MGAT4C: variants seen among roughly 807,000 people sequenced by gnomAD.
MGAT4C encodes the protein MGAT4 family member C.
Under a neutral mutation model 40.1 loss-of-function variants are expected in MGAT4C, and 19 were observed. That is an observed-to-expected ratio of 0.47 (90% CI 0.33 to 0.70). The LOEUF (loss-of-function observed/expected upper bound fraction) is 0.70. MGAT4C is among the 30% of genes least tolerant of loss of function. MGAT4C has a pLI of 0.02. For missense variants in MGAT4C, 491 were observed against 563.2 expected, an observed-to-expected ratio of 0.87 and a Z score of 1.30; for synonymous variants, 181 against 187.1, an observed-to-expected ratio of 0.97 and a Z score of 0.27.
chr12:86,244,567 C>A (rs4842468), intron 1 of MGAT4C, among the ~76,000 whole-genome samples: 1 of 152,116 alleles, frequency 6.6e-6, no homozygotes, highest in Admixed American at 6.5e-5. Flanking sequence ...TTCTACTCTG[C>A]GCTAGCACTG....
chr12:86,009,226 A>G (rs1181674243), intron 2 of MGAT4C, among the ~76,000 whole-genome samples: 1 of 152,148 alleles, frequency 6.6e-6, no homozygotes, highest in Non-Finnish European at 1.5e-5. Context: ...CTCTTTTAGA[A>G]TAATTACTCT....
At chr12:86,674,579 C>A (rs1449570465) in intron 2 of MGAT4C, among the ~76,000 whole-genome samples, 2 of 152,052 alleles carry the variant, frequency 1.3e-5, no homozygotes, top group Non-Finnish European at 2.9e-5. Flanking sequence ...CACGTGTAAT[C>A]CCAGCCACTT....
chr12:86,408,479 C>CTCTCTCTCTCTATATATATA (rs1267344319), intron 3 of MGAT4C, among the ~76,000 whole-genome samples: 8 of 63,344 alleles, frequency 1.3e-4, no homozygotes, highest in African/African-American at 4.7e-4. Flanking sequence ...CTCTCTCTCT[C>CTCTCTCTCTCTATATATATA]TATATATATA....
chr12:86,019,625 G>A (rs1027818607), intron 2 of MGAT4C, among the ~76,000 whole-genome samples: 1 of 152,202 alleles, frequency 6.6e-6, no homozygotes, highest in Non-Finnish European at 1.5e-5. Context: ...CAGGTAGCGT[G>A]ATGCCTCCAG....
At chr12:86,494,669 C>G (rs1004561735) in intron 2 of MGAT4C, among the ~76,000 whole-genome samples, 3 of 148,282 alleles carry the variant, frequency 2.0e-5, no homozygotes, top group Non-Finnish European at 4.5e-5. Context: ...AAATTAAAAA[C>G]AAATGTAGAG....
chr12:86,328,228 T>A (rs1954572202), intron 4 of MGAT4C, among the ~76,000 whole-genome samples: 1 of 152,144 alleles, frequency 6.6e-6, no homozygotes, highest in African/African-American at 2.4e-5. Context: ...CACTGACATA[T>A]TTATGAGAGA....
chr12:86,494,919 G>A lies in MGAT4C; in HGVS notation c.-228-59654C>T, dbSNP rs138911928. On this transcript the variant is annotated intron_variant, in intron 2 of 7. Coordinates refer to the MGAT4C transcript ENST00000548651. ...AGATATGTTTGAATAACCATCAGAT[G>A]ATAATCGACAATGAGAAAGAATGAA... is the stretch of plus-strand genomic sequence containing the variant. Among the ~76,000 whole-genome samples the A allele has an allele frequency of 6.2e-3, 945 of 152,164 alleles. 7 individuals are homozygous for A. Among genetic ancestry groups the A allele is most frequent in the Non-Finnish European group, 8.7e-3 (594 of 67,946 alleles).
At chr12:86,420,738 G>T (rs1026254448) in intron 3 of MGAT4C, among the ~76,000 whole-genome samples, 2 of 150,212 alleles carry the variant, frequency 1.3e-5, no homozygotes, top group African/African-American at 4.9e-5. Context: ...TACTTGAACA[G>T]TTTGGCCATA....
At chr12:86,361,156 G>T (rs1026902943) in intron 3 of MGAT4C, among the ~76,000 whole-genome samples, 2 of 152,136 alleles carry the variant, frequency 1.3e-5, no homozygotes, top group East Asian at 3.9e-4. Context: ...CAATGGAACA[G>T]AACAAAGCCA....
intron 2 of MGAT4C, among the ~76,000 whole-genome samples, chr12:86,619,038 A>G (rs1222117072): frequency 1.3e-5 from 2 of 152,080 alleles, no homozygotes; most frequent in African/African-American, 4.8e-5. Context: ...ACAACTATTT[A>G]CATAGAGTTG....
At chr12:86,712,327 A>G (rs542283176) in intron 2 of MGAT4C, among the ~76,000 whole-genome samples, 1 of 152,280 alleles carries the variant, frequency 6.6e-6, no homozygotes, top group East Asian at 1.9e-4. Context: ...GGAGCAAGAA[A>G]GTGTTTTCTG....
chr12:86,600,016 C>G (rs1479104153), intron 2 of MGAT4C, among the ~76,000 whole-genome samples: 1 of 151,960 alleles, frequency 6.6e-6, no homozygotes, highest in Admixed American at 6.6e-5. Context: ...AACAATTTCA[C>G]AGGTGACAAG....
At chr12:86,419,845 T>C (rs1249495819) in intron 3 of MGAT4C, among the ~76,000 whole-genome samples, 1 of 151,976 alleles carries the variant, frequency 6.6e-6, no homozygotes, top group Non-Finnish European at 1.5e-5. Flanking sequence ...ATTAAGAGAG[T>C]TGTATCAGGG....
intron 2 of MGAT4C, among the ~76,000 whole-genome samples, chr12:85,995,404 G>A (rs1440233612): frequency 1.3e-5 from 2 of 152,166 alleles, no homozygotes; most frequent in Non-Finnish European, 2.9e-5. Flanking sequence ...GGTATGTCAT[G>A]TGTGTCATGA....
chr12:86,674,499 C>T lies in MGAT4C; in HGVS notation c.-229+52710G>A, dbSNP rs924315025. Among the ~76,000 whole-genome samples the T allele has an allele frequency of 2.0e-5, 3 of 152,018 alleles. No homozygotes were observed. The South Asian group carries it at 6.2e-4, about 31-fold the overall frequency. ...TCACCAGAGGTCGAGAGTTCGAGAC[C>T]TGCCTGGCCAGTATGGTGAAACCCC... On this transcript the variant is annotated intron_variant, in intron 2 of 7. Coordinates refer to the MGAT4C transcript ENST00000548651.
At chr12:86,136,450 G>C (rs1566034224) in intron 1 of MGAT4C, among the ~76,000 whole-genome samples, 1 of 152,168 alleles carries the variant, frequency 6.6e-6, no homozygotes, top group South Asian at 2.1e-4. Context: ...ATTTTAGATA[G>C]AGTGGTTAGG....
chr12:86,192,454 A>G (rs996594786), intron 1 of MGAT4C, among the ~76,000 whole-genome samples: 4 of 152,098 alleles, frequency 2.6e-5, no homozygotes, highest in African/African-American at 9.7e-5. Flanking sequence ...GCCTTCCCTG[A>G]GGAAATTAAA....
At chr12:86,326,482 A>T (rs1421037866) in intron 4 of MGAT4C, among the ~76,000 whole-genome samples, 2 of 152,192 alleles carry the variant, frequency 1.3e-5, no homozygotes, top group African/African-American at 4.8e-5. Flanking sequence ...GAAAAAAGAA[A>T]AAAATGAATT....
rs534625338 is a variant in MGAT4C, at chr12:86,333,302, G to A, written c.-57+763C>T. On this transcript the variant is annotated intron_variant, in intron 4 of 7. Transcript: ENST00000548651. ...TTCCCCTTATTATTTCAGGTAATGT[G>A]ACAGCAAATGGTATAAAGTGAAAAC... Among the ~76,000 whole-genome samples the A allele has an allele frequency of 2.6e-5, 4 of 152,336 alleles. No individual in the cohort carries two copies. The South Asian group carries it at 8.3e-4, about 32-fold the overall frequency.
Sources: allele counts gnomAD v4.1 joint callset (sites outside exome capture counted in the v4.1 genomes callset), GRCh38; gene constraint gnomAD v4.1.1; transcripts MANE v1.5; gene names NCBI Gene and HGNC (gene_info 2026-07-23, HGNC 2026-07-21).